C9orf153: variants seen among roughly 807,000 people sequenced by gnomAD.
The protein encoded by C9orf153 is chromosome 9 open reading frame 153.
In C9orf153, 10 loss-of-function variants were observed where a neutral mutation model predicts 9.0. The ratio of observed to expected loss-of-function variants is 1.11; its 90% CI spans 0.69 to 1.89. The LOEUF (loss-of-function observed/expected upper bound fraction) is 1.89. C9orf153 is among the 40% of genes most tolerant of loss of function. The pLI is 0.00. For missense variants in C9orf153, 108 were observed against 111.0 expected, an observed-to-expected ratio of 0.97 and a Z score of 0.12; for synonymous variants, 35 against 37.3, an observed-to-expected ratio of 0.94 and a Z score of 0.23.
At chr9:86,228,345 CTA>C (rs1172418106) in intron 2 of C9orf153, among the ~76,000 whole-genome samples, 3 of 152,292 alleles carry the variant, frequency 2.0e-5, no homozygotes, top group Admixed American at 1.3e-4. Flanking sequence ...CTCTGAAATT[CTA>C]TGAGTGACCA....
intron 1 of C9orf153, among the ~76,000 whole-genome samples, chr9:86,252,066 A>G (rs1825009307): frequency 6.6e-6 from 1 of 151,744 alleles, no homozygotes; most frequent in South Asian, 2.1e-4. Flanking sequence ...ATGGAGTCTC[A>G]CTCTGTTGCC....
At chr9:86,224,666 A>G (rs555091031) in intron 3 of C9orf153, among the ~76,000 whole-genome samples, 1 of 152,124 alleles carries the variant, frequency 6.6e-6, no homozygotes, top group Non-Finnish European at 1.5e-5. Context: ...CATTAAATAA[A>G]TAGAGACATA....
At chr9:86,237,210 T>C (rs764205074) in intron 1 of C9orf153, among the ~76,000 whole-genome samples, 7 of 151,758 alleles carry the variant, frequency 4.6e-5, no homozygotes, top group Middle Eastern at 3.4e-3. Flanking sequence ...AGGAGAAAAA[T>C]TGAATCATAT....
At chr9:86,239,571 A>G (rs1160633887) in intron 1 of C9orf153, among the ~76,000 whole-genome samples, 3 of 152,158 alleles carry the variant, frequency 2.0e-5, no homozygotes, top group Non-Finnish European at 4.4e-5. Context: ...AAGGGCCTGG[A>G]TGGCTGGACT....
intron 1 of C9orf153, among the ~76,000 whole-genome samples, chr9:86,241,641 T>G (rs1037190768): frequency 6.6e-6 from 1 of 152,110 alleles, no homozygotes; most frequent in Non-Finnish European, 1.5e-5. Context: ...GTTTTTTTTT[T>G]CTGGAGATGG....
intron 1 of C9orf153, among the ~76,000 whole-genome samples, chr9:86,254,495 A>C (rs1472842520): frequency 6.6e-6 from 1 of 152,334 alleles, no homozygotes; most frequent in East Asian, 1.9e-4. Context: ...TAAACTACTC[A>C]GAAAGTTTGC....
intron 1 of C9orf153, among the ~76,000 whole-genome samples, chr9:86,230,419 A>G (rs1334011118): frequency 6.6e-6 from 1 of 152,224 alleles, no homozygotes; most frequent in Non-Finnish European, 1.5e-5. Flanking sequence ...CTCCTGCCTT[A>G]GCCTCCCAAG....
At chr9:86,259,322 G>A (rs1028854343) in intron 1 of C9orf153, among the ~76,000 whole-genome samples, 1 of 152,072 alleles carries the variant, frequency 6.6e-6, no homozygotes, top group Non-Finnish European at 1.5e-5. Context: ...GGCTCGGCCC[G>A]ATCAACTGGT....
intron 1 of C9orf153, among the ~76,000 whole-genome samples, chr9:86,235,476 G>T (rs143780382): frequency 1.3e-5 from 2 of 152,166 alleles, no homozygotes; most frequent in East Asian, 1.9e-4. Context: ...GAGAAAAAAG[G>T]CCAGGTGTGG....
chr9:86,251,742 G>A (rs916059375), intron 1 of C9orf153, among the ~76,000 whole-genome samples: 1 of 152,022 alleles, frequency 6.6e-6, no homozygotes, highest in Non-Finnish European at 1.5e-5. Context: ...AAACCTTATC[G>A]CGTGTGGTCA....
chr9:86,227,825 G>A (rs757349557), intron 3 of C9orf153, 30 bp downstream of exon 3: 2 of 1,588,492 alleles, frequency 1.3e-6, no homozygotes, highest in Admixed American at 3.6e-5. Flanking sequence ...AATCATGGAT[G>A]CTTGCTTCTC....
chr9:86,244,801 TCTC>T (rs1015728091), intron 1 of C9orf153, among the ~76,000 whole-genome samples: 7 of 152,132 alleles, frequency 4.6e-5, no homozygotes, highest in African/African-American at 1.7e-4. Context: ...TGTTTAGCAT[TCTC>T]CTCCTTTTTT....
intron 3 of C9orf153, among the ~76,000 whole-genome samples, chr9:86,226,714 C>A (rs1466125280): frequency 6.6e-6 from 1 of 152,060 alleles, no homozygotes; most frequent in African/African-American, 2.4e-5. Flanking sequence ...AAGACACTCC[C>A]TTCTCATTAA....
At chr9:86,236,939 T>TAAAAAA (rs57214746) in intron 1 of C9orf153, among the ~76,000 whole-genome samples, 1 of 79,974 alleles carries the variant, frequency 1.3e-5, no homozygotes, top group African/African-American at 4.0e-5. Flanking sequence ...CGTCTCTAAA[T>TAAAAAA]AAAAAAAAAA....
intron 1 of C9orf153, among the ~76,000 whole-genome samples, chr9:86,251,943 G>C (rs1385825103): frequency 1.8e-5 from 1 of 56,818 alleles, no homozygotes; most frequent in African/African-American, 1.4e-4. Context: ...ACACACACAC[G>C]AGAGAGAGAG....
At chr9:86,248,925 C>G (rs1177914842) in intron 1 of C9orf153, among the ~76,000 whole-genome samples, 1 of 152,188 alleles carries the variant, frequency 6.6e-6, no homozygotes, top group Non-Finnish European at 1.5e-5. Flanking sequence ...TCATCTGGTT[C>G]TCAGCTTTCT....
At chr9:86,259,276 C>CA (rs149620748) in intron 1 of C9orf153, among the ~76,000 whole-genome samples, 188 of 152,230 alleles carry the variant, frequency 1.2e-3, no homozygotes, top group African/African-American at 4.4e-3. Context: ...GCAGAGCTAT[C>CA]AGTGTTGAAG....
At chr9:86,237,434 G>A (rs1311651264) in intron 1 of C9orf153, among the ~76,000 whole-genome samples, 2 of 143,282 alleles carry the variant, frequency 1.4e-5, no homozygotes, top group Non-Finnish European at 3.1e-5. Context: ...ATTATATGTT[G>A]TCTACAAGAC....
intron 1 of C9orf153, among the ~76,000 whole-genome samples, chr9:86,256,754 C>T (rs1825130146): frequency 6.6e-6 from 1 of 152,162 alleles, no homozygotes; most frequent in Admixed American, 6.5e-5. Context: ...AGTTTCCAGA[C>T]CAGCTGATAA....
Sources: allele counts gnomAD v4.1 joint callset (sites outside exome capture counted in the v4.1 genomes callset), GRCh38; gene constraint gnomAD v4.1.1; transcripts MANE v1.5; gene names NCBI Gene and HGNC (gene_info 2026-07-23, HGNC 2026-07-21).